Variants in HMGCLL1 observed in about 807,000 individuals in gnomAD.
HMGCLL1 encodes 3-hydroxymethyl-3-methylglutaryl-CoA lyase, cytoplasmic.
In HMGCLL1, 36 loss-of-function variants were observed where a neutral mutation model predicts 39.1. The ratio of observed to expected loss-of-function variants is 0.92; its 90% CI spans 0.71 to 1.22. The LOEUF is 1.22. Among genes scored for constraint, HMGCLL1 ranks in the 50% most tolerant of loss-of-function variants. HMGCLL1 has a pLI of 0.00. For missense variants in HMGCLL1, 451 were observed against 416.5 expected, an observed-to-expected ratio of 1.08 and a Z score of -0.72; for synonymous variants, 149 against 144.0, an observed-to-expected ratio of 1.03 and a Z score of -0.25.
At chr6:55,650,851 C>T in the HMGCLL1 span, among the ~76,000 whole-genome samples, 90 of 152,092 alleles carry the variant, frequency 5.9e-4, no homozygotes, top group African/African-American at 2.1e-3. Flanking sequence ...TCTGCCAGGC[C>T]ACCACGAATT....
chr6:55,617,602 C>T, the HMGCLL1 span, among the ~76,000 whole-genome samples: 7 of 152,122 alleles, frequency 4.6e-5, no homozygotes, highest in Admixed American at 4.6e-4. Context: ...AAAATCAAAT[C>T]TGAAATTCAG....
chr6:55,624,469 A>T, the HMGCLL1 span, among the ~76,000 whole-genome samples: 1 of 152,214 alleles, frequency 6.6e-6, no homozygotes, highest in African/African-American at 2.4e-5. Flanking sequence ...TGGCAAGGCC[A>T]GCAATATACC....
rs767531076 is a variant in HMGCLL1 at position 55,514,074 on chromosome 6, T to C, written c.516A>G (p.Ala172=). 6.2e-7 allele frequency: 1 copy of C among 1,613,076 alleles called. No individual in the cohort carries two copies. The highest frequency in any genetic ancestry group is 1.3e-5 in the African/African-American group (1 of 74,912). ...CTCGTGCTGGAATATTCATGTGTCT[T>C]GCAGACTTAACAACCTCCTCAAATT... The part of the protein sequence containing the change: ...MGKFEEVVKS[A]RHMNIPARGY... Residue 172 remains alanine, a synonymous_variant, in exon 5 of 9, where the codon GCA becomes GCG. Coordinates refer to ENST00000274901, the MANE Select transcript of HMGCLL1 (RefSeq NM_001042406.2).
At chr6:55,572,036 GA>G (rs1771523939) in intron 1 of HMGCLL1, among the ~76,000 whole-genome samples, 1 of 151,916 alleles carries the variant, frequency 6.6e-6, no homozygotes, top group African/African-American at 2.4e-5. Flanking sequence ...AAGTAGAGAA[GA>G]ATTTTTTCAA....
intron 1 of HMGCLL1, among the ~76,000 whole-genome samples, chr6:55,571,381 T>G (rs1003739690): frequency 9.9e-5 from 15 of 152,098 alleles, no homozygotes; most frequent in African/African-American, 3.6e-4. Context: ...AAATATATAT[T>G]TTGCTCTAAA....
At chr6:55,494,600 A>C (rs1156739872) in intron 7 of HMGCLL1, among the ~76,000 whole-genome samples, 1 of 152,124 alleles carries the variant, frequency 6.6e-6, no homozygotes, top group Non-Finnish European at 1.5e-5. Flanking sequence ...ATTGTTTTTT[A>C]ACTTCTGCCA....
the HMGCLL1 span, among the ~76,000 whole-genome samples, chr6:55,663,890 T>G: frequency 6.6e-6 from 1 of 151,976 alleles, no homozygotes; most frequent in South Asian, 2.1e-4. Flanking sequence ...GAGAGTTAGT[T>G]TCTTGTTGAA....
intron 7 of HMGCLL1, among the ~76,000 whole-genome samples, chr6:55,489,831 A>T (rs1445260123): frequency 6.6e-6 from 1 of 152,148 alleles, no homozygotes; most frequent in Non-Finnish European, 1.5e-5. Context: ...TTTGAATCTA[A>T]GAAATTTTCA....
At chr6:55,499,566 T>G (rs1766767435) in intron 5 of HMGCLL1, among the ~76,000 whole-genome samples, 1 of 152,092 alleles carries the variant, frequency 6.6e-6, no homozygotes, top group South Asian at 2.1e-4. Flanking sequence ...GTAAAGTTAT[T>G]CATACCATAG....
At chr6:55,657,565 A>G in the HMGCLL1 span, among the ~76,000 whole-genome samples, 1 of 151,896 alleles carries the variant, frequency 6.6e-6, no homozygotes, top group Non-Finnish European at 1.5e-5. Flanking sequence ...TTGTACCAGT[A>G]CCATGCTATT....
intron 7 of HMGCLL1, among the ~76,000 whole-genome samples, chr6:55,448,370 A>G (rs565029586): frequency 2.7e-4 from 40 of 149,792 alleles, no homozygotes; most frequent in Middle Eastern, 3.6e-3. Flanking sequence ...ATACAAAAAT[A>G]CATAATATGA....
chr6:55,489,878 T>C (rs1441091877), intron 7 of HMGCLL1, among the ~76,000 whole-genome samples: 2 of 152,154 alleles, frequency 1.3e-5, no homozygotes, highest in African/African-American at 4.8e-5. Context: ...ATTTATCTTC[T>C]AGTGTAACAG....
At chr6:55,483,084 CA>C (rs1399122866) in intron 7 of HMGCLL1, among the ~76,000 whole-genome samples, 1 of 151,966 alleles carries the variant, frequency 6.6e-6, no homozygotes, top group East Asian at 1.9e-4. Context: ...CATTTTTATA[CA>C]AATAATAACC....
intron 1 of HMGCLL1, among the ~76,000 whole-genome samples, chr6:55,545,927 A>G (rs1045858821): frequency 6.6e-6 from 1 of 152,064 alleles, no homozygotes; most frequent in African/African-American, 2.4e-5. Flanking sequence ...CTAGAGGATG[A>G]CCAGGTAACA....
intron 6 of HMGCLL1, among the ~76,000 whole-genome samples, chr6:55,498,305 G>C (rs1766694661): frequency 1.3e-5 from 2 of 152,080 alleles, no homozygotes; most frequent in African/African-American, 2.4e-5. Flanking sequence ...CCATGCAAGT[G>C]AAAAACCTAA....
intron 3 of HMGCLL1, among the ~76,000 whole-genome samples, chr6:55,536,020 A>G (rs902393214): frequency 6.6e-6 from 1 of 152,188 alleles, no homozygotes; most frequent in Non-Finnish European, 1.5e-5. Context: ...CATCTCATCA[A>G]CGTAAATCTG....
the HMGCLL1 span, among the ~76,000 whole-genome samples, chr6:55,587,732 A>G: frequency 5.3e-5 from 8 of 152,134 alleles, no homozygotes; most frequent in African/African-American, 1.7e-4. Context: ...ATGGAAAACA[A>G]AAAAAGGCAG....
intron 7 of HMGCLL1, among the ~76,000 whole-genome samples, chr6:55,473,487 T>C (rs186008242): frequency 6.6e-6 from 1 of 151,520 alleles, no homozygotes; most frequent in East Asian, 1.9e-4. Flanking sequence ...TACCATTTCA[T>C]GTGTAGCACC....
In HMGCLL1 at chr6:55,474,690, T is replaced by C. The variant is rs138941867; in HGVS notation, c.795+20729A>G. On this transcript the variant is annotated intron_variant, in intron 7 of 8. Transcript: ENST00000274901. ...TGGCTTTTCATCTGCCTTTGATTTG[T>C]TGTTGTTGTTGTCGTTGAAAGCCTA... Among the ~76,000 whole-genome samples the C allele has an allele frequency of 8.1e-3, 1,223 of 151,568 alleles. 14 individuals carry two copies. Among genetic ancestry groups the C allele is most frequent in the African/African-American group, 0.028 (1,156 of 41,450 alleles).
Sources: gnomAD v4.1 joint callset for allele counts (sites outside exome capture counted in the v4.1 genomes callset) on GRCh38, gnomAD v4.1.1 for gene constraint, MANE v1.5 for transcripts, NCBI Gene and HGNC (gene_info 2026-07-23, HGNC 2026-07-21) for gene names.